Variants in MELK observed in about 807,000 individuals in gnomAD.
The protein encoded by MELK is pEg3 kinase.
In MELK, 81 loss-of-function variants were observed where a neutral mutation model predicts 85.0. The ratio of observed to expected loss-of-function variants is 0.95; its 90% CI spans 0.80 to 1.15. The LOEUF is 1.15. MELK is among the 50% of genes most tolerant of loss of function. The probability of loss-of-function intolerance (pLI) is 0.00; values close to 1 mark genes in which losing one functional copy is unlikely to be tolerated. For synonymous variants in MELK, 252 were observed against 265.0 expected (o/e 0.95, Z 0.48); for missense variants, 754 against 777.5 (o/e 0.97, Z 0.36).
chr9:36,632,502 A>G (rs1161938025), intron 9 of MELK, among the ~76,000 whole-genome samples: 2 of 152,092 alleles, frequency 1.3e-5, no homozygotes, highest in South Asian at 2.1e-4. Flanking sequence ...AGTCATCTCC[A>G]TCTTTTATTC....
Position 36,650,089 on chromosome 9 carries a change from G to T in MELK, c.922-1657G>T, listed in dbSNP as rs1011687336. 9.2e-4 allele frequency among the ~76,000 whole-genome samples: 140 copies of T among 151,680 alleles called. 2 individuals carry two copies. Among genetic ancestry groups the T allele is most frequent in the Non-Finnish European group, 1.9e-4 (13 of 67,940 alleles). On this transcript the variant is annotated intron_variant, in intron 11 of 17. Transcript: ENST00000298048. ...TTCCTGAGTAGCTGGGACTACAGGC[G>T]CCCACTACCACGCCCGGCTAATTTT...
chr9:36,581,539 A>G (rs1429546244), intron 1 of MELK, 105 bp from the exon 2 acceptor site: 14 of 600,652 alleles, frequency 2.3e-5, no homozygotes, highest in Non-Finnish European at 3.0e-6. Flanking sequence ...CAGTTTTTTC[A>G]GTATCATGTA....
At chr9:36,584,207 G>A (rs1239004138) in intron 3 of MELK, among the ~76,000 whole-genome samples, 12 of 151,142 alleles carry the variant, frequency 7.9e-5, no homozygotes, top group African/African-American at 2.4e-5. Flanking sequence ...GGGTTTCATC[G>A]TGTTAGCCAG....
At chr9:36,669,453 AG>A (rs1333073561) in intron 15 of MELK, 47 bp downstream of exon 15, 1 of 1,355,888 alleles carries the variant, frequency 7.4e-7, no homozygotes, top group African/African-American at 1.5e-5. Context: ...ATATGTAACC[AG>A]ATTTCCTTTT....
In MELK at chr9:36,595,258, C is replaced by T. The variant is rs1020081315; in HGVS notation, c.405+487C>T. ...TCACGCCATTCTCCTGCCTCAGCCT[C>T]CCGAGTGGCTGGGACTACAGGCGCC... On this transcript the variant is annotated intron_variant, in intron 5 of 17. Transcript: ENST00000298048. Among the ~76,000 whole-genome samples the T allele has an allele frequency of 5.9e-5, 9 of 152,148 alleles. No homozygotes were observed. In the South Asian group the frequency reaches 1.5e-3, roughly 25 times the overall value.
At position 36,636,471 on chromosome 9, in the gene MELK, C is replaced by A. The variant is rs183429113; in HGVS notation, c.834+3271C>A. On this transcript the variant is annotated intron_variant, in intron 10 of 17. Transcript: ENST00000298048. Reference sequence around the variant, plus strand: ...GAGCCAAGATTGCGCCATTGCACTCCAGCCTGGGCAACATGAGCGAAACTC... The same window carrying A: ...GAGCCAAGATTGCGCCATTGCACTCAAGCCTGGGCAACATGAGCGAAACTC... 6.6e-5 allele frequency among the ~76,000 whole-genome samples: 10 copies of A among 152,172 alleles called. No individual in the cohort carries two copies. The East Asian group carries it at 1.9e-3, about 30-fold the overall frequency.
chr9:36,651,968 G>C (rs1830749899), intron 12 of MELK, 91 bp downstream of exon 12: 2 of 1,227,362 alleles, frequency 1.6e-6, no homozygotes, highest in Admixed American at 2.7e-5. Context: ...CGGTGTCAAG[G>C]AGTCAGAGGC....
At chr9:36,589,331 A>T (rs1341535682) in intron 3 of MELK, among the ~76,000 whole-genome samples, 1 of 151,826 alleles carries the variant, frequency 6.6e-6, no homozygotes, top group Admixed American at 6.6e-5. Flanking sequence ...TTGTAGTTTT[A>T]GTGAGACAGG....
intron 11 of MELK, among the ~76,000 whole-genome samples, chr9:36,645,646 T>C (rs887112211): frequency 1.3e-5 from 2 of 152,212 alleles, no homozygotes; most frequent in Non-Finnish European, 2.9e-5. Flanking sequence ...CTTGGCTGTA[T>C]AGTGGCATTT....
chr9:36,599,553 C>A, intron 7 of MELK, 67 bp downstream of exon 7: 2 of 1,184,018 alleles, frequency 1.7e-6, no homozygotes, highest in Non-Finnish European at 2.5e-6. Flanking sequence ...TGTAGTGAGT[C>A]AGGCACTGTG....
rs539784003 is a variant in MELK at position 36,631,614 on chromosome 9, C to T, written c.735+1247C>T. Among the ~76,000 whole-genome samples, 12 of 150,730 alleles carry T rather than the reference C, an allele frequency of 8.0e-5. No individual in the cohort carries two copies. In the South Asian group the frequency reaches 1.9e-3, roughly 24 times the overall value. On this transcript the variant is annotated intron_variant, in intron 9 of 17. Transcript: ENST00000298048. Reference sequence around the variant, plus strand: ...TTTTATAGACAGGGTTTTACTCTGTCGCCCAGGCTGGAGTGCAGTCATATG... The same window carrying T: ...TTTTATAGACAGGGTTTTACTCTGTTGCCCAGGCTGGAGTGCAGTCATATG...
chr9:36,624,943 TG>T (rs1827792832), intron 8 of MELK, among the ~76,000 whole-genome samples: 1 of 152,120 alleles, frequency 6.6e-6, no homozygotes, highest in African/African-American at 2.4e-5. Flanking sequence ...GATGCTGGTA[TG>T]GGGGAGGTGA....
chr9:36,601,581 CAT>C (rs1824928516), intron 7 of MELK, among the ~76,000 whole-genome samples: 1 of 151,818 alleles, frequency 6.6e-6, no homozygotes, highest in Non-Finnish European at 1.5e-5. Context: ...GTAAAATACA[CAT>C]AACATAAAAT....
chr9:36,670,040 G>A (rs993529505), intron 15 of MELK, among the ~76,000 whole-genome samples: 1 of 152,154 alleles, frequency 6.6e-6, no homozygotes, highest in Non-Finnish European at 1.5e-5. Flanking sequence ...CTAATCTTAT[G>A]GTTTTTCTCC....
At chr9:36,635,161 C>A (rs949600586) in intron 10 of MELK, among the ~76,000 whole-genome samples, 34 of 152,184 alleles carry the variant, frequency 2.2e-4, no homozygotes, top group African/African-American at 7.7e-4. Context: ...AAACTGGCTT[C>A]TTTTCGAACT....
intron 10 of MELK, among the ~76,000 whole-genome samples, chr9:36,635,680 A>G (rs1200812914): frequency 6.6e-6 from 1 of 152,182 alleles, no homozygotes; most frequent in Non-Finnish European, 1.5e-5. Context: ...GCATCTGCAG[A>G]CCGTGCTTTG....
At chr9:36,592,005 T>C (rs1823645123) in intron 4 of MELK, among the ~76,000 whole-genome samples, 1 of 152,074 alleles carries the variant, frequency 6.6e-6, no homozygotes, top group African/African-American at 2.4e-5. Flanking sequence ...CAATATTCTT[T>C]AATTTTTAAA....
At chr9:36,590,763 C>T (rs1250323503) in intron 4 of MELK, among the ~76,000 whole-genome samples, 1 of 152,186 alleles carries the variant, frequency 6.6e-6, no homozygotes, top group Non-Finnish European at 1.5e-5. Context: ...CAGGATAGCA[C>T]TGTTTTAAAA....
intron 10 of MELK, among the ~76,000 whole-genome samples, chr9:36,635,313 G>A (rs1421942613): frequency 1.3e-5 from 2 of 151,590 alleles, no homozygotes; most frequent in Non-Finnish European, 2.9e-5. Flanking sequence ...GCCCAGACGG[G>A]AGTGCAATGG....
Sources: gnomAD v4.1 joint callset for allele counts (sites outside exome capture counted in the v4.1 genomes callset) on GRCh38, gnomAD v4.1.1 for gene constraint, MANE v1.5 for transcripts, NCBI Gene and HGNC (gene_info 2026-07-23, HGNC 2026-07-21) for gene names.